The following DYRK1A variants were observed in gnomAD, a reference collection of about 807,000 sequenced individuals.
DYRK1A encodes dual specificity tyrosine-phosphorylation-regulated kinase 1A.
DYRK1A carries 9 observed loss-of-function variants against 79.7 expected under a neutral mutation model. The ratio of observed to expected loss-of-function variants is 0.11; its 90% CI spans 0.07 to 0.20. DYRK1A has a LOEUF of 0.20. Ranked by LOEUF, DYRK1A falls within the 10% of genes least tolerant of loss-of-function variation. DYRK1A has a pLI of 1.00. For synonymous variants in DYRK1A, 349 were observed against 329.7 expected, an observed-to-expected ratio of 1.06 and a Z score of -0.63; for missense variants, 622 against 956.0, an observed-to-expected ratio of 0.65 and a Z score of 4.61.
In DYRK1A at chr21:37,519,834, T is replaced by A. The variant is rs946404248; in HGVS notation, c.*7303T>A. ...TCGGCTCACTGCAAGCTCCGCCTCC[T>A]GGGTTCACGCCATTCGCCTGCCTCA... On this transcript the variant is annotated 3_prime_UTR_variant, in exon 12 of 12. Coordinates refer to ENST00000647188, the MANE Select transcript of DYRK1A (RefSeq NM_001347721.2). 3 of 148,346 alleles carry A rather than the reference T, an allele frequency of 2.0e-5. No homozygotes were observed. The highest frequency in any genetic ancestry group is 4.5e-5 in the Non-Finnish European group (3 of 67,378). The allele number at this position is 148,346 out of a possible 1,614,324, so 9.2% of individuals were successfully genotyped here. A position where few individuals can be genotyped will look rare whatever the true frequency, so the allele number is the denominator to read the frequency against.
intron 1 of DYRK1A, among the ~76,000 whole-genome samples, chr21:37,406,829 T>TTATA (rs60475064): frequency 1.2e-4 from 18 of 147,740 alleles, no homozygotes; most frequent in African/African-American, 4.4e-4. Flanking sequence ...ATATATGTAA[T>TTATA]TATATATATA....
chr21:37,414,726 T>G (rs2050304997), intron 1 of DYRK1A, among the ~76,000 whole-genome samples: 1 of 152,178 alleles, frequency 6.6e-6, no homozygotes, highest in Admixed American at 6.5e-5. Context: ...GACCAGTCAC[T>G]TTCTAGTAGT....
At chr21:37,427,707 C>CT (rs1158328931) in intron 2 of DYRK1A, among the ~76,000 whole-genome samples, 1 of 151,928 alleles carries the variant, frequency 6.6e-6, no homozygotes, top group Non-Finnish European at 1.5e-5. Flanking sequence ...TTTCAAATAC[C>CT]TTTTTAAAGT....
chr21:37,463,202 A>ATGTGTGTGTGTGTGTG (rs1569345120), intron 2 of DYRK1A, among the ~76,000 whole-genome samples: 2 of 35,636 alleles, frequency 5.6e-5, no homozygotes, highest in African/African-American at 1.3e-4. Flanking sequence ...TAATGTTGGC[A>ATGTGTGTGTGTGTGTG]CGTGTGTGTG....
chr21:37,500,766 C>G (rs2053418470), intron 9 of DYRK1A, among the ~76,000 whole-genome samples: 1 of 151,748 alleles, frequency 6.6e-6, no homozygotes, highest in Middle Eastern at 3.4e-3. Flanking sequence ...TAATATTTTA[C>G]TATAATTTTT....
At chr21:37,368,382 C>T (rs767256397) in intron 1 of DYRK1A, among the ~76,000 whole-genome samples, 1 of 152,208 alleles carries the variant, frequency 6.6e-6, no homozygotes, top group Non-Finnish European at 1.5e-5. Flanking sequence ...ACCAAAGCTG[C>T]TGAGTAGCTC....
At chr21:37,368,480 C>T (rs553437787) in intron 1 of DYRK1A, among the ~76,000 whole-genome samples, 7 of 152,322 alleles carry the variant, frequency 4.6e-5, no homozygotes, top group Admixed American at 1.3e-4. Flanking sequence ...TTGCCTGTGC[C>T]TTTCGCCCAA....
Position 37,512,592 on chromosome 21 carries a change from A to AAAACAAAC in DYRK1A, c.*68_*69insCAAACAAA. 6.4e-7 allele frequency: 1 copy of AAAACAAAC among 1,567,722 alleles called. No individual in the cohort carries two copies. The highest frequency in any genetic ancestry group is 1.4e-5 in the African/African-American group (1 of 73,716). ...TTATAGAAGTGGTGTTTTTTTTCCAAAAACAAAGTGCAAAGCTGCTTGAAT... is the reference window on the plus strand; with the variant it reads ...TTATAGAAGTGGTGTTTTTTTTCCAAAAACAAACAAACAAAGTGCAAAGCTGCTTGAAT... On this transcript the variant is annotated 3_prime_UTR_variant, in exon 12 of 12. Coordinates refer to ENST00000647188, the MANE Select transcript of DYRK1A (RefSeq NM_001347721.2).
intron 1 of DYRK1A, among the ~76,000 whole-genome samples, chr21:37,382,484 G>A (rs1373674811): frequency 6.6e-6 from 1 of 151,968 alleles, no homozygotes; most frequent in Non-Finnish European, 1.5e-5. Flanking sequence ...AGTTTTGGTA[G>A]CACCGTTTTA....
intron 2 of DYRK1A, among the ~76,000 whole-genome samples, chr21:37,447,382 TA>T (rs1357111234): frequency 2.6e-5 from 4 of 152,094 alleles, no homozygotes; most frequent in South Asian, 4.1e-4. Flanking sequence ...GAACATACAT[TA>T]AAAAAACATA....
In DYRK1A at chr21:37,515,541, C is replaced by CA. The variant is rs2053870802; in HGVS notation, c.*3011dup. 1 of 152,178 alleles carries CA rather than the reference C, an allele frequency of 6.6e-6. No homozygotes were observed. The highest frequency in any genetic ancestry group is 2.4e-5 in the African/African-American group (1 of 41,442). 9.4% of individuals were successfully genotyped at this position (152,178 alleles called of 1,614,324 possible). A position where few individuals can be genotyped will look rare whatever the true frequency, so the allele number is the denominator to read the frequency against. On this transcript the variant is annotated 3_prime_UTR_variant, in exon 12 of 12. Coordinates refer to ENST00000647188, the MANE Select transcript of DYRK1A (RefSeq NM_001347721.2). ...GGATGAAGGAAGGAATACGAATACT[C>CA]ATTCTTCCTTCCCTAACTCCTCGTA... is the stretch of plus-strand genomic sequence containing the variant.
At chr21:37,413,618 A>G (rs2050282351) in intron 1 of DYRK1A, among the ~76,000 whole-genome samples, 1 of 152,154 alleles carries the variant, frequency 6.6e-6, no homozygotes, top group Non-Finnish European at 1.5e-5. Flanking sequence ...ATATACATAA[A>G]TGAGATTACC....
intron 1 of DYRK1A, among the ~76,000 whole-genome samples, chr21:37,403,657 ATATATATGTGTGTG>A (rs1407616331): frequency 1.6e-5 from 2 of 124,952 alleles, no homozygotes; most frequent in South Asian, 2.8e-4. Flanking sequence ...AAATATATAT[ATATATATGTGTGTG>A]TGTGTGTGTG....
rs73398099 is a variant in DYRK1A at position 37,460,333 on chromosome 21, T to C, written c.11-12351T>C. Among the ~76,000 whole-genome samples, 685 of 152,308 alleles carry C rather than the reference T, an allele frequency of 4.5e-3. 4 individuals are homozygous for C. The highest frequency in any genetic ancestry group is 0.015 in the African/African-American group (641 of 41,548). ...TATTATTAAGTCAGGCAGCAGATAC[T>C]TAGAGAGCTTCTGCTGTTTTAAGCC... On this transcript the variant is annotated intron_variant, in intron 2 of 11. Coordinates refer to ENST00000647188, the MANE Select transcript of DYRK1A (RefSeq NM_001347721.2).
chr21:37,374,300 G>C (rs764815551), intron 1 of DYRK1A, among the ~76,000 whole-genome samples: 17 of 150,538 alleles, frequency 1.1e-4, no homozygotes, highest in Non-Finnish European at 1.5e-5. Context: ...ACCGAACACT[G>C]CAAGAAGGAT....
At chr21:37,478,656 T>G (rs986284467) in intron 4 of DYRK1A, among the ~76,000 whole-genome samples, 2 of 151,916 alleles carry the variant, frequency 1.3e-5, no homozygotes, top group Non-Finnish European at 2.9e-5. Context: ...TGTTAGAATT[T>G]TTGCTAGAAT....
intron 2 of DYRK1A, among the ~76,000 whole-genome samples, chr21:37,459,929 T>C (rs988012368): frequency 6.6e-6 from 1 of 152,168 alleles, no homozygotes; most frequent in African/African-American, 2.4e-5. Context: ...TATATATTCA[T>C]AAATATTTGG....
intron 1 of DYRK1A, among the ~76,000 whole-genome samples, chr21:37,399,071 G>A (rs1276267271): frequency 2.6e-5 from 4 of 152,134 alleles, no homozygotes; most frequent in Admixed American, 2.6e-4. Context: ...GGGAAGCAGA[G>A]CTAAGATTGG....
chr21:37,496,413 A>G (rs1220437440), intron 9 of DYRK1A, among the ~76,000 whole-genome samples, 155 bp downstream of exon 9: 1 of 152,216 alleles, frequency 6.6e-6, no homozygotes, highest in Admixed American at 6.5e-5. Context: ...AGTTGAGTAT[A>G]GTTTGACCTG....
Sources: gnomAD v4.1 joint callset for allele counts (sites outside exome capture counted in the v4.1 genomes callset) on GRCh38, gnomAD v4.1.1 for gene constraint, MANE v1.5 for transcripts, NCBI Gene and HGNC (gene_info 2026-07-23, HGNC 2026-07-21) for gene names.